Variants in CSMD1 observed in about 807,000 individuals in gnomAD.
CSMD1 encodes the protein CUB and Sushi multiple domains 1.
Under a neutral mutation model 417.5 loss-of-function variants are expected in CSMD1, and 213 were observed. The observed-to-expected ratio is 0.51, with a 90% CI of 0.46 to 0.57. The LOEUF is 0.57. Ranked by LOEUF, CSMD1 falls within the 20% of genes least tolerant of loss-of-function variation. The probability of loss-of-function intolerance (pLI) is 0.00; values close to 1 mark genes in which losing one functional copy is unlikely to be tolerated. For synonymous variants in CSMD1, 2,862 were observed against 1,736.8 expected (o/e 1.65, Z -16.11); for missense variants, 6,923 against 4,529.7 (o/e 1.53, Z -15.17).
chr8:3,289,644 A>G (rs1358260651), intron 25 of CSMD1, among the ~76,000 whole-genome samples: 1 of 144,902 alleles, frequency 6.9e-6, no homozygotes, highest in Non-Finnish European at 1.5e-5. Flanking sequence ...GTGTCTGTTC[A>G]TATCCTTTGC....
intron 10 of CSMD1, among the ~76,000 whole-genome samples, chr8:3,565,162 AG>A (rs1171919514): frequency 1.6e-5 from 2 of 125,150 alleles, no homozygotes; most frequent in East Asian, 2.5e-4. Context: ...AAAAAAAAAG[AG>A]AGAGATCAAG....
At chr8:4,857,352 A>T (rs1002084530) in intron 1 of CSMD1, among the ~76,000 whole-genome samples, 3 of 151,828 alleles carry the variant, frequency 2.0e-5, no homozygotes, top group African/African-American at 7.3e-5. Context: ...TCACAATTAA[A>T]AGAATTAGAA....
chr8:4,139,550 G>A (rs1485785297), intron 3 of CSMD1, among the ~76,000 whole-genome samples: 7 of 151,052 alleles, frequency 4.6e-5, no homozygotes, highest in African/African-American at 1.2e-4. Context: ...CCTGCACGAC[G>A]ATCTGCATAT....
chr8:3,968,793 C>A (rs768785926), intron 5 of CSMD1, among the ~76,000 whole-genome samples: 1 of 152,100 alleles, frequency 6.6e-6, no homozygotes, highest in Non-Finnish European at 1.5e-5. Flanking sequence ...AATTACAATA[C>A]AAAATTAACA....
rs76398724 is a variant in CSMD1 at position 4,013,409 on chromosome 8, G to A, written c.611-15299C>T. ...ATTCTCGCAGGGCTCACTCTGTCCC[G>A]TTCATTAGAGGTCCAAATATTCCGG... is the stretch of plus-strand genomic sequence containing the variant. On this transcript the variant is annotated intron_variant, in intron 4 of 69. Coordinates refer to ENST00000635120, the MANE Select transcript of CSMD1 (RefSeq NM_033225.6). 3.1e-3 allele frequency among the ~76,000 whole-genome samples: 466 copies of A among 152,166 alleles called. 2 individuals carry two copies. The highest frequency in any genetic ancestry group is 0.01 in the African/African-American group (430 of 41,490).
At chr8:3,763,503 C>G (rs1038481119) in intron 5 of CSMD1, among the ~76,000 whole-genome samples, 2 of 152,124 alleles carry the variant, frequency 1.3e-5, no homozygotes, top group African/African-American at 2.4e-5. Context: ...ATACCTGTGC[C>G]CACTCTACCT....
chr8:3,801,121 T>A (rs994678086), intron 5 of CSMD1, among the ~76,000 whole-genome samples: 2 of 151,634 alleles, frequency 1.3e-5, no homozygotes, highest in Non-Finnish European at 2.9e-5. Flanking sequence ...AGGTTAAATT[T>A]TACCGACATT....
intron 48 of CSMD1, among the ~76,000 whole-genome samples, chr8:3,090,244 G>A (rs569715810): frequency 2.7e-5 from 4 of 149,286 alleles, no homozygotes; most frequent in Admixed American, 1.4e-4. Flanking sequence ...CTGAACCCGG[G>A]AGGCGGAGCT....
intron 3 of CSMD1, among the ~76,000 whole-genome samples, chr8:4,152,714 CAT>C (rs1458327922): frequency 6.6e-6 from 1 of 152,018 alleles, no homozygotes; most frequent in South Asian, 2.1e-4. Flanking sequence ...AAATCCTTTA[CAT>C]ATACACACAC....
intron 2 of CSMD1, among the ~76,000 whole-genome samples, chr8:4,567,756 T>G (rs1798685345): frequency 6.6e-6 from 1 of 152,166 alleles, no homozygotes; most frequent in African/African-American, 2.4e-5. Flanking sequence ...TGCACTTATA[T>G]TAAACTATTG....
Position 4,070,460 on chromosome 8 carries a change from C to T in CSMD1, c.416-38361G>A, listed in dbSNP as rs539146929. Among the ~76,000 whole-genome samples the T allele has an allele frequency of 2.6e-5, 4 of 152,234 alleles. No individual in the cohort carries two copies. In the South Asian group the frequency reaches 8.3e-4, roughly 32 times the overall value. On this transcript the variant is annotated intron_variant, in intron 3 of 69. Coordinates refer to ENST00000635120, the MANE Select transcript of CSMD1 (RefSeq NM_033225.6). ...GCAAGCTCCGCCTCCCGGGTTCACA[C>T]CATTCTCCCACCTCAGCCTCCCGAG...
intron 3 of CSMD1, among the ~76,000 whole-genome samples, chr8:4,036,720 C>A (rs1797636768): frequency 6.6e-6 from 1 of 152,208 alleles, no homozygotes; most frequent in South Asian, 2.1e-4. Flanking sequence ...GATCCTTTTG[C>A]AGATGCAGTT....
chr8:4,863,722 T>C (rs1298532146), intron 1 of CSMD1, among the ~76,000 whole-genome samples: 1 of 152,084 alleles, frequency 6.6e-6, no homozygotes, highest in African/African-American at 2.4e-5. Flanking sequence ...GACTTATCCT[T>C]TGAAAAATGT....
intron 23 of CSMD1, among the ~76,000 whole-genome samples, chr8:3,323,611 A>G (rs1806295310): frequency 2.0e-5 from 3 of 152,238 alleles, no homozygotes; most frequent in Admixed American, 2.0e-4. Flanking sequence ...ATAGCATTTC[A>G]GTACTAAGAG....
At chr8:4,875,722 C>T (rs1803002944) in intron 1 of CSMD1, among the ~76,000 whole-genome samples, 1 of 152,074 alleles carries the variant, frequency 6.6e-6, no homozygotes, top group Non-Finnish European at 1.5e-5. Flanking sequence ...TAAATACTAA[C>T]AAATATGTAT....
At chr8:4,396,733 C>T (rs546394125) in intron 3 of CSMD1, among the ~76,000 whole-genome samples, 1 of 152,106 alleles carries the variant, frequency 6.6e-6, no homozygotes, top group African/African-American at 2.4e-5. Context: ...TTGCAGCAAC[C>T]TGGATGGAAA....
intron 5 of CSMD1, among the ~76,000 whole-genome samples, chr8:3,850,295 TG>T (rs1463489863): frequency 2.3e-4 from 35 of 152,248 alleles, no homozygotes; most frequent in African/African-American, 8.2e-4. Context: ...TTCTCTATTT[TG>T]GTTTCAATAG....
chr8:3,960,932 T>A (rs1812283387), intron 5 of CSMD1, among the ~76,000 whole-genome samples: 1 of 152,060 alleles, frequency 6.6e-6, no homozygotes. Flanking sequence ...TCCTCTGGAA[T>A]AAATGGATAA....
intron 1 of CSMD1, among the ~76,000 whole-genome samples, chr8:4,867,137 T>C (rs944460063): frequency 1.3e-5 from 2 of 152,036 alleles, no homozygotes; most frequent in Admixed American, 6.5e-5. Context: ...TACACACATA[T>C]TATTTATATT....
Sources: gnomAD v4.1 joint callset for allele counts (sites outside exome capture counted in the v4.1 genomes callset) on GRCh38, gnomAD v4.1.1 for gene constraint, MANE v1.5 for transcripts, NCBI Gene and HGNC (gene_info 2026-07-23, HGNC 2026-07-21) for gene names.